Variants in LIPC observed in about 807,000 individuals in gnomAD.
The protein encoded by LIPC is hepatic triacylglycerol lipase.
Under a neutral mutation model 50.7 loss-of-function variants are expected in LIPC, and 44 were observed. The observed-to-expected ratio is 0.87, with a 90% CI of 0.68 to 1.11. The LOEUF is 1.11. Among genes scored for constraint, LIPC ranks in the 50% most tolerant of loss-of-function variants. LIPC has a pLI of 0.00. For missense variants in LIPC, 697 were observed against 648.2 expected, an observed-to-expected ratio of 1.08 and a Z score of -0.82; for synonymous variants, 271 against 256.4, an observed-to-expected ratio of 1.06 and a Z score of -0.54.
At chr15:58,530,936 A>T (rs1481677577) in intron 1 of LIPC, among the ~76,000 whole-genome samples, 1 of 152,260 alleles carries the variant, frequency 6.6e-6, no homozygotes, top group South Asian at 2.1e-4. Context: ...GTTGTTTCAG[A>T]TTTGGGGTTA....
intron 1 of LIPC, among the ~76,000 whole-genome samples, chr15:58,508,921 C>G (rs1453398268): frequency 6.6e-6 from 1 of 152,058 alleles, no homozygotes; most frequent in Non-Finnish European, 1.5e-5. Context: ...CACCCAGCCT[C>G]TCTGTTGAGT....
intron 1 of LIPC, chr15:58,436,922 A>G (rs1385814254): frequency 2.2e-6 from 1 of 452,332 alleles, no homozygotes; most frequent in Admixed American, 2.4e-5. Flanking sequence ...TCTAGGAAGA[A>G]AAAGAAAAAA....
intron 1 of LIPC, among the ~76,000 whole-genome samples, chr15:58,510,903 T>C (rs961022569): frequency 6.6e-6 from 1 of 152,248 alleles, no homozygotes; most frequent in Non-Finnish European, 1.5e-5. Context: ...CACATGGAGT[T>C]GGTGAGGATA....
At chr15:58,524,372 A>G (rs1436288715) in intron 1 of LIPC, among the ~76,000 whole-genome samples, 1 of 152,270 alleles carries the variant, frequency 6.6e-6, no homozygotes, top group Admixed American at 6.5e-5. Context: ...CCAGTATTTT[A>G]CAATTACAGA....
chr15:58,478,447 C>A (rs1169532667), intron 1 of LIPC, among the ~76,000 whole-genome samples: 2 of 152,120 alleles, frequency 1.3e-5, no homozygotes, highest in Non-Finnish European at 2.9e-5. Context: ...ACATGTTGGC[C>A]AGGCTGGTCT....
At chr15:58,519,794 G>A (rs569230673) in intron 1 of LIPC, among the ~76,000 whole-genome samples, 2 of 152,276 alleles carry the variant, frequency 1.3e-5, no homozygotes, top group East Asian at 1.9e-4. Context: ...CTTAGCATCC[G>A]TTTCTTTACA....
intron 1 of LIPC, among the ~76,000 whole-genome samples, chr15:58,496,794 G>A (rs990009021): frequency 7.1e-6 from 1 of 141,642 alleles, no homozygotes; most frequent in Non-Finnish European, 1.5e-5. Context: ...ACCCAGGCTG[G>A]AGTGCAGTGG....
chr15:58,537,710 T>A (rs977445195), intron 1 of LIPC, among the ~76,000 whole-genome samples: 1 of 152,070 alleles, frequency 6.6e-6, no homozygotes, highest in Admixed American at 6.6e-5. Context: ...CAACATCACA[T>A]TCCCTGAAAA....
At chr15:58,496,743 C>CAAAAAAAAAAGAAAAA (rs1891778682) in intron 1 of LIPC, among the ~76,000 whole-genome samples, 1 of 114,180 alleles carries the variant, frequency 8.8e-6, no homozygotes, top group Non-Finnish European at 1.8e-5. Flanking sequence ...TCTTCCCCCT[C>CAAAAAAAAAAGAAAAA]AAAAAAAAAA....
Position 58,560,978 on chromosome 15 carries a change from C to T in LIPC, c.1166C>T (p.Thr389Ile). The T allele has an allele frequency of 7.0e-7, 1 of 1,424,684 alleles. No homozygotes were observed. Among genetic ancestry groups the T allele is most frequent in the Middle Eastern group, 1.7e-4 (1 of 5,762 alleles). The allele number at this position is 1,424,684 out of a possible 1,614,324, so 88.3% of individuals were successfully genotyped here. Residue 389 changes from threonine to isoleucine, a missense_variant, in exon 7 of 9, where the codon ACT (threonine) becomes ATT (isoleucine). Transcript: ENST00000299022. Reference sequence around the variant, plus strand: ...GAGAAAATGCAGAAAATTCCCATCACTCTGTGAGTAGGAGGTGTAGCCCCC... The same window carrying T: ...GAGAAAATGCAGAAAATTCCCATCATTCTGTGAGTAGGAGGTGTAGCCCCC... ...TKEKMQKIPI[T>I]LGKGIASNKT...
At chr15:58,460,585 G>A (rs149950469) in intron 1 of LIPC, among the ~76,000 whole-genome samples, 77 of 152,298 alleles carry the variant, frequency 5.1e-4, no homozygotes, top group African/African-American at 1.8e-3. Flanking sequence ...TGCTCTCCAC[G>A]GCTGGGAAAC....
intron 1 of LIPC, among the ~76,000 whole-genome samples, chr15:58,486,264 C>T (rs1891373731): frequency 6.6e-6 from 1 of 152,200 alleles, no homozygotes; most frequent in South Asian, 2.1e-4. Flanking sequence ...TCCCCCATCT[C>T]CTCAGGCTGG....
chr15:58,472,051 C>G (rs1195546937), intron 1 of LIPC, among the ~76,000 whole-genome samples: 1 of 152,050 alleles, frequency 6.6e-6, no homozygotes, highest in Admixed American at 6.5e-5. Context: ...GGGTGGATCA[C>G]CTGAGGTCAG....
chr15:58,567,956 C>T (rs1894445377), intron 8 of LIPC, among the ~76,000 whole-genome samples: 1 of 152,158 alleles, frequency 6.6e-6, no homozygotes, highest in East Asian at 1.9e-4. Flanking sequence ...ACAAATTACT[C>T]ATAGCATTTT....
intron 1 of LIPC, among the ~76,000 whole-genome samples, chr15:58,501,937 C>T (rs1304391030): frequency 1.3e-5 from 2 of 152,078 alleles, no homozygotes; most frequent in African/African-American, 4.8e-5. Context: ...TGTTATGTCT[C>T]TTGATGTTAG....
chr15:58,463,845 T>C (rs1470506598), intron 1 of LIPC, among the ~76,000 whole-genome samples: 2 of 152,208 alleles, frequency 1.3e-5, no homozygotes, highest in African/African-American at 4.8e-5. Context: ...ACAGTACCTC[T>C]TGCATAACTT....
At chr15:58,502,018 C>G (rs1276782378) in intron 1 of LIPC, among the ~76,000 whole-genome samples, 1 of 152,098 alleles carries the variant, frequency 6.6e-6, no homozygotes, top group Non-Finnish European at 1.5e-5. Context: ...GCTTGAGATG[C>G]GTGGGCCGAG....
At chr15:58,477,650 TC>T (rs1220624947) in intron 1 of LIPC, among the ~76,000 whole-genome samples, 2 of 152,128 alleles carry the variant, frequency 1.3e-5, no homozygotes, top group Non-Finnish European at 2.9e-5. Flanking sequence ...ACTCATTCTG[TC>T]CTCCATTGGA....
Position 58,501,833 on chromosome 15 carries a change from C to T in LIPC, c.89-36500C>T, listed in dbSNP as rs185466667. Among the ~76,000 whole-genome samples, 11 of 152,276 alleles carry T rather than the reference C, an allele frequency of 7.2e-5. No homozygotes were observed. In the East Asian group the frequency reaches 1.5e-3, roughly 21 times the overall value. On this transcript the variant is annotated intron_variant, in intron 1 of 8. Coordinates refer to ENST00000299022, the MANE Select transcript of LIPC (RefSeq NM_000236.3). The stretch of plus-strand genomic sequence containing the variant: ...TGTGGCCTGAGGACAGACACTGATG[C>T]TATCTTGGAGCCTCTGCCTCTCCAC...
Sources: gnomAD v4.1 joint callset for allele counts (sites outside exome capture counted in the v4.1 genomes callset) on GRCh38, gnomAD v4.1.1 for gene constraint, MANE v1.5 for transcripts, NCBI Gene and HGNC (gene_info 2026-07-23, HGNC 2026-07-21) for gene names.